AGBL1: variants seen among roughly 807,000 people sequenced by gnomAD.
AGBL1 encodes cytosolic carboxypeptidase 4.
Under a neutral mutation model 118.9 loss-of-function variants are expected in AGBL1, and 130 were observed. That is an observed-to-expected ratio of 1.09 (90% CI 0.95 to 1.26). The LOEUF is 1.26. AGBL1 is among the 50% of genes most tolerant of loss of function. AGBL1 has a pLI of 0.00. For missense variants in AGBL1, 1,584 were observed against 1,298.1 expected (o/e 1.22, Z -3.38); for synonymous variants, 555 against 478.9 (o/e 1.16, Z -2.08).
intron 21 of AGBL1, among the ~76,000 whole-genome samples, chr15:86,663,884 T>C (rs1165040576): frequency 1.3e-5 from 2 of 152,164 alleles, no homozygotes; most frequent in African/African-American, 2.4e-5. Context: ...GATCAGACTC[T>C]AGGCTACCTA....
At chr15:86,100,595 T>C (rs1896655007) in intron 1 of AGBL1, among the ~76,000 whole-genome samples, 1 of 152,094 alleles carries the variant, frequency 6.6e-6, no homozygotes, top group Non-Finnish European at 1.5e-5. Context: ...TCTTGGTAAG[T>C]TGTATGTGTC....
At chr15:86,363,378 G>A (rs2141925594) in intron 17 of AGBL1, among the ~76,000 whole-genome samples, 1 of 152,056 alleles carries the variant, frequency 6.6e-6, no homozygotes, top group African/African-American at 2.4e-5. Context: ...TAACTTTCTG[G>A]TTTAAAAAAT....
intron 21 of AGBL1, among the ~76,000 whole-genome samples, chr15:86,632,221 T>G (rs994454377): frequency 2.7e-5 from 4 of 145,660 alleles, no homozygotes; most frequent in Non-Finnish European, 4.5e-5. Context: ...TGAGTTATGA[T>G]CATGCCACTG....
intron 3 of AGBL1, among the ~76,000 whole-genome samples, chr15:86,147,485 C>A (rs2077048465): frequency 6.6e-6 from 1 of 152,238 alleles, no homozygotes. Flanking sequence ...GCAGGTCCCA[C>A]ACCCACGGAG....
At chr15:86,881,096 C>T (rs1172471779) in intron 22 of AGBL1, among the ~76,000 whole-genome samples, 3 of 152,168 alleles carry the variant, frequency 2.0e-5, no homozygotes, top group Non-Finnish European at 4.4e-5. Flanking sequence ...GTTCTCATCT[C>T]ACCTCCTTCC....
intron 17 of AGBL1, among the ~76,000 whole-genome samples, chr15:86,377,088 G>A (rs1293223754): frequency 6.6e-6 from 1 of 152,102 alleles, no homozygotes; most frequent in Non-Finnish European, 1.5e-5. Context: ...TTTTCTGGCT[G>A]GGCCTAATGG....
chr15:86,217,308 A>G (rs1233833923), intron 5 of AGBL1, among the ~76,000 whole-genome samples: 3 of 152,242 alleles, frequency 2.0e-5, no homozygotes, highest in African/African-American at 7.2e-5. Flanking sequence ...AAAGAATAAT[A>G]TAACTAAGGC....
Position 86,756,515 on chromosome 15 carries a change from G to A in AGBL1, c.3158+82079G>A, listed in dbSNP as rs375740970. On this transcript the variant is annotated intron_variant, in intron 22 of 22. Transcript: ENST00000614907. The stretch of plus-strand genomic sequence containing the variant: ...GCCATGGGTGTTTTAAGAAGGGAAG[G>A]GCAGAGTTGCCTGGGCAGGTGTGGA... 3.0e-4 allele frequency among the ~76,000 whole-genome samples: 45 copies of A among 150,952 alleles called. No homozygotes were observed. The South Asian group carries it at 9.3e-3, about 31-fold the overall frequency.
At chr15:86,642,456 C>A (rs1043068662) in intron 21 of AGBL1, among the ~76,000 whole-genome samples, 4 of 151,700 alleles carry the variant, frequency 2.6e-5, no homozygotes, top group African/African-American at 4.8e-5. Context: ...TTTCTTCCAG[C>A]GTTTCACTAT....
At chr15:86,721,992 C>T (rs1265017568) in intron 22 of AGBL1, among the ~76,000 whole-genome samples, 1 of 151,976 alleles carries the variant, frequency 6.6e-6, no homozygotes, top group African/African-American at 2.4e-5. Context: ...AACCACTGCT[C>T]AAGGAAATCA....
At chr15:86,236,838 C>T (rs922899356) in intron 6 of AGBL1, among the ~76,000 whole-genome samples, 2 of 134,462 alleles carry the variant, frequency 1.5e-5, no homozygotes, top group Non-Finnish European at 3.4e-5. Flanking sequence ...GTGTCATTCA[C>T]ATAGCCCGGG....
intron 21 of AGBL1, among the ~76,000 whole-genome samples, chr15:86,660,125 C>T (rs140551520): frequency 1.6e-3 from 242 of 151,734 alleles, no homozygotes; most frequent in African/African-American, 5.4e-3. Flanking sequence ...CCTACTCCCG[C>T]AAGAAAGACG....
chr15:86,439,022 T>C (rs1026527789), intron 18 of AGBL1, among the ~76,000 whole-genome samples: 1 of 152,232 alleles, frequency 6.6e-6, no homozygotes, highest in Non-Finnish European at 1.5e-5. Flanking sequence ...TACCAAGCCC[T>C]ATCTGCTATT....
chr15:86,334,153 C>T (rs1018889287), intron 17 of AGBL1, among the ~76,000 whole-genome samples: 1 of 152,138 alleles, frequency 6.6e-6, no homozygotes, highest in African/African-American at 2.4e-5. Context: ...CACTCCTATT[C>T]AACATACTAC....
At chr15:86,341,571 C>T (rs1345214586) in intron 17 of AGBL1, among the ~76,000 whole-genome samples, 1 of 152,144 alleles carries the variant, frequency 6.6e-6, no homozygotes, top group Non-Finnish European at 1.5e-5. Flanking sequence ...AATGGCAGTC[C>T]TCAGGTGCCT....
At chr15:86,875,471 G>T (rs989262817) in intron 22 of AGBL1, among the ~76,000 whole-genome samples, 1 of 152,186 alleles carries the variant, frequency 6.6e-6, no homozygotes, top group Non-Finnish European at 1.5e-5. Flanking sequence ...GAGCGGTTGG[G>T]ATCAGCGTTG....
chr15:86,186,782 T>G (rs1260821627), intron 5 of AGBL1, among the ~76,000 whole-genome samples: 1 of 152,226 alleles, frequency 6.6e-6, no homozygotes, highest in African/African-American at 2.4e-5. Context: ...TTCTCTTATT[T>G]AATTTTCACA....
intron 5 of AGBL1, among the ~76,000 whole-genome samples, chr15:86,191,369 A>AAAAAAAAAAAAAG (rs1247744212): frequency 2.1e-5 from 3 of 145,150 alleles, no homozygotes; most frequent in African/African-American, 7.7e-5. Context: ...AAAAAAAAAA[A>AAAAAAAAAAAAAG]AGAGAGAGAG....
At chr15:86,250,681 C>T (rs1448889370) in intron 7 of AGBL1, among the ~76,000 whole-genome samples, 5 of 151,586 alleles carry the variant, frequency 3.3e-5, no homozygotes, top group South Asian at 2.1e-4. Flanking sequence ...ATAGGCTGTC[C>T]TGGCTTAGAA....
Sources: allele counts gnomAD v4.1 joint callset (sites outside exome capture counted in the v4.1 genomes callset), GRCh38; gene constraint gnomAD v4.1.1; transcripts MANE v1.5; gene names NCBI Gene and HGNC (gene_info 2026-07-23, HGNC 2026-07-21).